Variants in TBL1Y observed in about 807,000 individuals in gnomAD.
TBL1Y encodes transducin beta like 1 Y-linked, also known as F-box-like/WD repeat-containing protein TBL1Y.
A neutral mutation model predicts 12.0 loss-of-function variants in TBL1Y; 15 were observed. That is an observed-to-expected ratio of 1.25 (90% CI 0.83 to 1.92). TBL1Y has a LOEUF of 1.92. Among genes scored for constraint, TBL1Y ranks in the 40% most tolerant of loss-of-function variants. The pLI is 0.00. For synonymous variants in TBL1Y, 53 were observed against 42.6 expected (o/e 1.24, Z -0.95); for missense variants, 148 against 116.7 (o/e 1.27, Z -1.24).
At chrY:7,066,051 A>G (rs2012980147) in intron 8 of TBL1Y, among the ~76,000 whole-genome samples, 1 of 34,335 alleles carries the variant, frequency 2.9e-5, no homozygotes, top group African/African-American at 1.1e-4. Flanking sequence ...AGGTAAAGGA[A>G]GAGCAAAGGT....
At chrY:6,978,469 A>G in intron 3 of TBL1Y, among the ~76,000 whole-genome samples, 1 of 34,259 alleles carries the variant, frequency 2.9e-5, no homozygotes, top group East Asian at 7.7e-4. Flanking sequence ...TGACAATTAC[A>G]TTTAGAATCA....
intron 7 of TBL1Y, among the ~76,000 whole-genome samples, 155 bp from the exon 8 acceptor site, chrY:7,063,742 C>G (rs2012921620): frequency 1.2e-4 from 4 of 33,422 alleles, no homozygotes; most frequent in Admixed American, 8.0e-4. Flanking sequence ...TCATATCTAA[C>G]AGGGTCTATG....
intron 7 of TBL1Y, among the ~76,000 whole-genome samples, chrY:7,062,752 C>T (rs776492862): frequency 1.5e-4 from 5 of 33,357 alleles, no homozygotes; most frequent in African/African-American, 3.5e-4. Context: ...GGCTCAATTT[C>T]CCCACTGGAA....
intron 8 of TBL1Y, among the ~76,000 whole-genome samples, chrY:7,064,742 G>C (rs2012961914): frequency 3.0e-5 from 1 of 33,148 alleles, no homozygotes; most frequent in South Asian, 7.1e-4. Context: ...TAAGTTCAGA[G>C]CATGCAAATG....
chrY:7,056,752 G>A, intron 7 of TBL1Y, among the ~76,000 whole-genome samples: 1 of 33,121 alleles, frequency 3.0e-5, no homozygotes, highest in Non-Finnish European at 7.4e-5. Flanking sequence ...TTCACCCCAC[G>A]CTCCTGGGCT....
chrY:6,984,078 A>G, intron 3 of TBL1Y, among the ~76,000 whole-genome samples: 1 of 33,124 alleles, frequency 3.0e-5, no homozygotes, highest in African/African-American at 1.2e-4. Flanking sequence ...TGATCTTTCT[A>G]TGAGCTGCCC....
At chrY:7,073,969 C>T (rs2013047685) in intron 12 of TBL1Y, among the ~76,000 whole-genome samples, 1 of 33,946 alleles carries the variant, frequency 2.9e-5, no homozygotes, top group East Asian at 7.9e-4. Flanking sequence ...CTAGTGCCCC[C>T]AGTTCCTGGA....
At chrY:7,081,791 C>G in intron 14 of TBL1Y, among the ~76,000 whole-genome samples, 3 of 32,494 alleles carry the variant, frequency 9.2e-5, no homozygotes, top group Admixed American at 8.7e-4. Flanking sequence ...ATGAACACAG[C>G]ACCAAGCCAT....
chrY:6,958,180 C>A, intron 2 of TBL1Y, among the ~76,000 whole-genome samples: 1 of 33,700 alleles, frequency 3.0e-5, no homozygotes, highest in Non-Finnish European at 7.3e-5. Flanking sequence ...ACTTCTCTTG[C>A]AGCCATAGTA....
intron 7 of TBL1Y, among the ~76,000 whole-genome samples, chrY:7,060,044 A>C (rs2012849861): frequency 3.1e-5 from 1 of 32,018 alleles, no homozygotes; most frequent in South Asian, 7.8e-4. Context: ...TCCAGTTCAC[A>C]AAAAAACTGA....
intron 4 of TBL1Y, among the ~76,000 whole-genome samples, chrY:7,020,508 A>G: frequency 3.0e-5 from 1 of 33,102 alleles, no homozygotes; most frequent in Non-Finnish European, 7.4e-5. Flanking sequence ...TGAACCTGGG[A>G]GGCGGAGGTT....
intron 2 of TBL1Y, among the ~76,000 whole-genome samples, chrY:6,968,337 C>G (rs2012184256): frequency 3.0e-5 from 1 of 33,028 alleles, no homozygotes; most frequent in African/African-American, 1.2e-4. Flanking sequence ...GACTGCTAGC[C>G]AGCACAGGGT....
intron 7 of TBL1Y, among the ~76,000 whole-genome samples, chrY:7,063,694 A>T (rs2012918515): frequency 3.0e-5 from 1 of 33,404 alleles, no homozygotes; most frequent in Non-Finnish European, 7.4e-5. Context: ...AAAATTGAAC[A>T]TACTGACATA....
chrY:6,989,908 C>T, intron 3 of TBL1Y, among the ~76,000 whole-genome samples: 1 of 33,720 alleles, frequency 3.0e-5, no homozygotes, highest in Non-Finnish European at 7.3e-5. Flanking sequence ...AAACTCTTTG[C>T]CTCTGCACTT....
At chrY:6,968,803 AG>A (rs2124121291) in intron 2 of TBL1Y, among the ~76,000 whole-genome samples, 1 of 33,548 alleles carries the variant, frequency 3.0e-5, no homozygotes, top group South Asian at 6.7e-4. Context: ...TTCTGATGTT[AG>A]GGTGGTAACT....
At chrY:7,054,581 G>A (rs2012815942) in intron 7 of TBL1Y, among the ~76,000 whole-genome samples, 1 of 33,724 alleles carries the variant, frequency 3.0e-5, no homozygotes, top group African/African-American at 1.2e-4. Context: ...GCTTTCACTC[G>A]CAGTCCACCA....
At chrY:6,918,994 C>T (rs745761949) in intron 2 of TBL1Y, 1 of 30,060 alleles carries the variant, frequency 3.3e-5, no homozygotes, top group South Asian at 8.3e-4. Flanking sequence ...AATCAATTCT[C>T]CTGCCTCAGC....
At chrY:7,068,289 C>T in intron 8 of TBL1Y, among the ~76,000 whole-genome samples, 2 of 31,936 alleles carry the variant, frequency 6.3e-5, no homozygotes, top group African/African-American at 2.5e-4. Context: ...GCAACAAGAT[C>T]GAAACTCCAT....
At chrY:6,959,543 A>C in intron 2 of TBL1Y, among the ~76,000 whole-genome samples, 1 of 33,255 alleles carries the variant, frequency 3.0e-5, no homozygotes, top group Non-Finnish European at 7.4e-5. Context: ...AAGAATTAAT[A>C]CAAAATTTGC....
Sources: gnomAD v4.1 joint callset for allele counts (sites outside exome capture counted in the v4.1 genomes callset) on GRCh38, gnomAD v4.1.1 for gene constraint, MANE v1.5 for transcripts, NCBI Gene and HGNC (gene_info 2026-07-23, HGNC 2026-07-21) for gene names.